DPP6: variants seen among roughly 807,000 people sequenced by gnomAD.
DPP6 encodes the protein A-type potassium channel modulatory protein DPP6.
A neutral mutation model predicts 122.6 loss-of-function variants in DPP6; 69 were observed. The ratio of observed to expected loss-of-function variants is 0.56; its 90% CI spans 0.46 to 0.69. The LOEUF is 0.69. DPP6 is among the 30% of genes least tolerant of loss of function. The pLI, the probability that DPP6 is intolerant of heterozygous loss-of-function variation, is 0.00. For missense variants in DPP6, 928 were observed against 1,116.9 expected (o/e 0.83, Z 2.41); for synonymous variants, 418 against 433.1 (o/e 0.97, Z 0.43).
Position 154,844,377 on chromosome 7 carries a change from G to A in DPP6, c.1667-9403G>A, listed in dbSNP as rs181102197. ...CCCCAAAATTCTGTGTATGTTCTTC[G>A]TGTGTTCGGCATGTCCCCTCTTCTC... On this transcript the variant is annotated intron_variant, in intron 16 of 25. Coordinates refer to ENST00000377770, the MANE Select transcript of DPP6 (RefSeq NM_130797.4). Among the ~76,000 whole-genome samples the A allele has an allele frequency of 1.5e-3, 231 of 152,286 alleles. 2 individuals carry two copies. Among genetic ancestry groups the A allele is most frequent in the African/African-American group, 5.1e-3 (211 of 41,546 alleles).
upstream of DPP6, among the ~76,000 whole-genome samples, chr7:154,051,933 C>T (rs1188712313): frequency 6.6e-6 from 1 of 151,868 alleles, no homozygotes; most frequent in Non-Finnish European, 1.5e-5. Context: ...ACCCCAGGTC[C>T]TCGGGGTGTC....
rs1387394480 is a variant in DPP6 at position 154,875,950 on chromosome 7, T to A, written c.1928T>A (p.Val643Glu). ...GSQSVAEKFEVSWETVMVSSH... is the reference protein window; with the variant it reads ...GSQSVAEKFEESWETVMVSSH... Reference sequence around the variant, plus strand: ...CAGAGTGTGGCTGAGAAGTTCGAGGTGAGCTGGGAGACGGTGATGGTGAGC... The same window carrying A: ...CAGAGTGTGGCTGAGAAGTTCGAGGAGAGCTGGGAGACGGTGATGGTGAGC... The change falls in exon 20 of 26, where the codon GTG becomes GAG. Residue 643 changes from valine to glutamate, a missense_variant. Coordinates refer to ENST00000377770, the MANE Select transcript of DPP6 (RefSeq NM_130797.4). This position sits in a 1 kb window ranked among gnomAD's most constrained non-coding sequence, Gnocchi z 4.5. 6.2e-7 allele frequency: 1 copy of A among 1,613,268 alleles called. No individual in the cohort carries two copies. Among genetic ancestry groups the A allele is most frequent in the African/African-American group, 1.3e-5 (1 of 74,994 alleles).
chr7:154,823,040 G>T (rs1340832469), intron 16 of DPP6, among the ~76,000 whole-genome samples: 1 of 152,170 alleles, frequency 6.6e-6, no homozygotes, highest in Non-Finnish European at 1.5e-5. Flanking sequence ...CTAGGTTAGG[G>T]TCATAATCTT....
At chr7:153,819,349 T>A in the DPP6 span, among the ~76,000 whole-genome samples, 1 of 147,020 alleles carries the variant, frequency 6.8e-6, no homozygotes. Flanking sequence ...CTTAAAAGAA[T>A]GTTACACTAC....
the DPP6 span, among the ~76,000 whole-genome samples, chr7:153,816,715 G>A: frequency 0.036 from 5,507 of 152,072 alleles, 342 homozygotes; most frequent in African/African-American, 0.13. Flanking sequence ...TATCCCAGTA[G>A]AGGAATCCAT....
intron 12 of DPP6, among the ~76,000 whole-genome samples, chr7:154,799,138 A>C (rs1798206147): frequency 6.6e-6 from 1 of 152,154 alleles, no homozygotes; most frequent in African/African-American, 2.4e-5. Context: ...CCGATCTTCC[A>C]AGGACCCGGT....
At position 154,600,765 on chromosome 7, in the gene DPP6, C is replaced by T. The variant is rs921951860; in HGVS notation, c.627+33849C>T. ...GTCATAGTTTAATCATGAACTGTTT[C>T]AAGTGTACAGAAAAGTACAGATGGC... On this transcript the variant is annotated intron_variant, in intron 5 of 25. Coordinates refer to ENST00000377770, the MANE Select transcript of DPP6 (RefSeq NM_130797.4). Among the ~76,000 whole-genome samples, 8 of 121,452 alleles carry T rather than the reference C, an allele frequency of 6.6e-5. 2 individuals are homozygous for T. The highest frequency in any genetic ancestry group is 1.5e-4 in the Non-Finnish European group (8 of 53,814). The allele number at this position is 121,452 out of a possible 152,430, so 79.7% of individuals were successfully genotyped here. A position where few individuals can be genotyped will look rare whatever the true frequency, so the allele number is the denominator to read the frequency against.
chr7:153,973,436 G>A (rs1422460807), intron 1 of DPP6, among the ~76,000 whole-genome samples: 1 of 152,232 alleles, frequency 6.6e-6, no homozygotes, highest in East Asian at 1.9e-4. Flanking sequence ...AATCTAAAAT[G>A]GACTATGTGG....
chr7:153,777,228 G>A, the DPP6 span, among the ~76,000 whole-genome samples: 1 of 152,134 alleles, frequency 6.6e-6, no homozygotes, highest in African/African-American at 2.4e-5. Context: ...GAACAACAAA[G>A]CAACAAGCTG....
At chr7:154,870,879 C>T (rs1804320552) in intron 18 of DPP6, among the ~76,000 whole-genome samples, 1 of 149,648 alleles carries the variant, frequency 6.7e-6, no homozygotes, top group South Asian at 2.1e-4. Flanking sequence ...AGGAGAATCA[C>T]TTGAACCCAG....
chr7:154,258,642 C>T (rs79188630), intron 1 of DPP6, among the ~76,000 whole-genome samples: 4 of 152,290 alleles, frequency 2.6e-5, no homozygotes, highest in African/African-American at 7.2e-5. Flanking sequence ...AGTAAACAAT[C>T]AGTAAAATGT....
chr7:154,501,213 A>T (rs1215993620), intron 3 of DPP6, among the ~76,000 whole-genome samples: 1 of 151,970 alleles, frequency 6.6e-6, no homozygotes, highest in Non-Finnish European at 1.5e-5. Context: ...GAAGCAGAGC[A>T]TGAAAGTTTG....
chr7:154,060,561 C>T lies in DPP6; in HGVS notation c.243+7498C>T, dbSNP rs1276471716. Among the ~76,000 whole-genome samples the T allele has an allele frequency of 3.9e-5, 5 of 128,658 alleles. 1 individual carries two copies. 84.4% of individuals were successfully genotyped at this position (128,658 alleles called of 152,430 possible). A position where few individuals can be genotyped will look rare whatever the true frequency, so the allele number is the denominator to read the frequency against. On this transcript the variant is annotated intron_variant, in intron 1 of 25. Transcript: ENST00000377770. ...CAAGTAGAAAGTTCAAATCTTCCGACGGCAGGTACCTTACGTGGGATTACT... is the reference window on the plus strand; with the variant it reads ...CAAGTAGAAAGTTCAAATCTTCCGATGGCAGGTACCTTACGTGGGATTACT...
intron 16 of DPP6, among the ~76,000 whole-genome samples, chr7:154,832,732 T>G (rs1800728978): frequency 6.6e-6 from 1 of 152,144 alleles, no homozygotes; most frequent in South Asian, 2.1e-4. Flanking sequence ...CAGACCTAAG[T>G]GTGTTGAACC....
chr7:153,928,441 C>G (rs1244322622), intron 1 of DPP6, among the ~76,000 whole-genome samples: 1 of 79,980 alleles, frequency 1.3e-5, no homozygotes, highest in African/African-American at 4.7e-5. Context: ...AGAGTTTCAC[C>G]ATGTTGGCCA....
At chr7:154,802,677 C>T (rs573765433) in intron 13 of DPP6, among the ~76,000 whole-genome samples, 2 of 151,868 alleles carry the variant, frequency 1.3e-5, no homozygotes, top group Admixed American at 6.6e-5. Flanking sequence ...GCCAACATGG[C>T]GAAACAAAAA....
chr7:154,382,073 CTTT>C (rs55970006), intron 1 of DPP6, among the ~76,000 whole-genome samples: 6,623 of 130,822 alleles, frequency 0.051, 276 homozygotes, highest in East Asian at 0.12. Flanking sequence ...TTTTTTTTTC[CTTT>C]TTTTTTTTTT....
At chr7:154,222,257 G>A (rs890472241) in intron 1 of DPP6, among the ~76,000 whole-genome samples, 8 of 152,120 alleles carry the variant, frequency 5.3e-5, no homozygotes, top group East Asian at 3.9e-4. Context: ...AAGTCCCACC[G>A]CCTCTGTGCT....
At chr7:154,007,692 C>T (rs1221346576) in intron 1 of DPP6, among the ~76,000 whole-genome samples, 13 of 152,064 alleles carry the variant, frequency 8.5e-5, no homozygotes, top group Non-Finnish European at 1.3e-4. Flanking sequence ...ATCTCAATAG[C>T]TTAACCAAAG....
Sources: allele counts gnomAD v4.1 joint callset (sites outside exome capture counted in the v4.1 genomes callset), GRCh38; gene constraint gnomAD v4.1.1; non-coding constraint Gnocchi (gnomAD v3.1); transcripts MANE v1.5; gene names NCBI Gene and HGNC (gene_info 2026-07-23, HGNC 2026-07-21).